SNX24: variants seen among roughly 807,000 people sequenced by gnomAD.
The protein encoded by SNX24 is sorting nexin-24.
SNX24 carries 22 observed loss-of-function variants against 28.7 expected under a neutral mutation model. That is an observed-to-expected ratio of 0.77 (90% CI 0.55 to 1.10). The LOEUF (loss-of-function observed/expected upper bound fraction) is 1.10, where lower values mean the gene tolerates loss of function less well. Ranked by LOEUF, SNX24 falls within the 50% of genes least tolerant of loss-of-function variation. SNX24 has a pLI of 0.00. For synonymous variants in SNX24, 69 were observed against 71.5 expected (o/e 0.96, Z 0.18); for missense variants, 221 against 201.1 (o/e 1.10, Z -0.60).
intron 2 of SNX24, among the ~76,000 whole-genome samples, chr5:122,939,643 T>C (rs1173208932): frequency 2.0e-5 from 3 of 152,234 alleles, no homozygotes; most frequent in Non-Finnish European, 4.4e-5. Flanking sequence ...TTGATTCCAT[T>C]TTCTTTTAGT....
chr5:122,863,230 C>CA (rs1755560882), intron 1 of SNX24, among the ~76,000 whole-genome samples: 1 of 151,938 alleles, frequency 6.6e-6, no homozygotes, highest in African/African-American at 2.4e-5. Context: ...CCTGGGAAGG[C>CA]AACATTGGAA....
chr5:123,001,668 C>T (rs769216515), intron 5 of SNX24, among the ~76,000 whole-genome samples: 2 of 152,126 alleles, frequency 1.3e-5, no homozygotes, highest in African/African-American at 2.4e-5. Flanking sequence ...TATCAACAAT[C>T]GTATTACAAG....
exon 6 of SNX24, chr5:123,029,294 T>C (rs758652814): frequency 1.2e-6 from 2 of 1,614,098 alleles, no homozygotes; most frequent in Admixed American, 3.3e-5. Context: ...GGAAATAAAA[T>C]TGAGACATAC....
At chr5:122,916,721 C>A (rs1758184663) in intron 1 of SNX24, among the ~76,000 whole-genome samples, 1 of 152,116 alleles carries the variant, frequency 6.6e-6, no homozygotes, top group Non-Finnish European at 1.5e-5. Context: ...GTCTGTTTTC[C>A]CAAAATACAA....
At chr5:122,954,447 A>G (rs1036863282) in intron 3 of SNX24, among the ~76,000 whole-genome samples, 2 of 151,752 alleles carry the variant, frequency 1.3e-5, no homozygotes, top group Admixed American at 1.3e-4. Context: ...TAGTTCAGCC[A>G]TCGGTGCTAT....
At chr5:123,001,886 T>A in intron 5 of SNX24, 54 bp from the exon 6 acceptor site, 1 of 1,481,610 alleles carries the variant, frequency 6.7e-7, no homozygotes, top group Admixed American at 1.7e-5. Context: ...TTTGTAGTGT[T>A]TTCTGTTTAC....
chr5:122,914,781 C>T (rs562512743), intron 1 of SNX24, among the ~76,000 whole-genome samples: 2 of 152,076 alleles, frequency 1.3e-5, no homozygotes, highest in East Asian at 1.9e-4. Flanking sequence ...TTTGATTCTT[C>T]TCTCTATTTT....
At chr5:122,868,979 TATAAA>T (rs1390572574) in intron 1 of SNX24, among the ~76,000 whole-genome samples, 2 of 152,226 alleles carry the variant, frequency 1.3e-5, no homozygotes, top group Admixed American at 1.3e-4. Flanking sequence ...TTCAGATAAA[TATAAA>T]ATGAGAAACG....
At chr5:122,967,839 C>T (rs992164294) in intron 3 of SNX24, among the ~76,000 whole-genome samples, 5 of 152,168 alleles carry the variant, frequency 3.3e-5, no homozygotes, top group Admixed American at 1.3e-4. Context: ...GAAGATTAAA[C>T]CACGAGCTCA....
At chr5:122,977,476 A>G (rs1056267716) in intron 3 of SNX24, among the ~76,000 whole-genome samples, 1 of 152,214 alleles carries the variant, frequency 6.6e-6, no homozygotes, top group Admixed American at 6.5e-5. Context: ...CTTTGGCAGC[A>G]TTGATTAACT....
chr5:123,013,767 C>G (rs1762634187), downstream of SNX24, among the ~76,000 whole-genome samples: 1 of 152,198 alleles, frequency 6.6e-6, no homozygotes, highest in Non-Finnish European at 1.5e-5. Flanking sequence ...CTACAATATT[C>G]TATGTCATTT....
intron 1 of SNX24, among the ~76,000 whole-genome samples, chr5:122,921,991 C>T (rs1758452600): frequency 6.6e-6 from 1 of 152,112 alleles, no homozygotes; most frequent in African/African-American, 2.4e-5. Context: ...TTCTCTCTCT[C>T]TCTTTAGCGG....
intron 5 of SNX24, among the ~76,000 whole-genome samples, chr5:123,017,403 A>G (rs866456773): frequency 4.0e-5 from 6 of 149,306 alleles, no homozygotes; most frequent in South Asian, 2.1e-4. Flanking sequence ...TGCCCTTCAA[A>G]CCTCAATTCA....
At chr5:122,847,241 C>T (rs747851944) in intron 1 of SNX24, among the ~76,000 whole-genome samples, 47 of 152,250 alleles carry the variant, frequency 3.1e-4, no homozygotes, top group Non-Finnish European at 6.3e-4. Flanking sequence ...GGCTCATTGC[C>T]CATTGTTGAT....
chr5:123,013,345 T>G (rs746461801), downstream of SNX24, among the ~76,000 whole-genome samples: 15 of 152,226 alleles, frequency 9.9e-5, no homozygotes, highest in Non-Finnish European at 2.1e-4. Context: ...GTTCAGTGAT[T>G]AAGGCTGTCT....
intron 1 of SNX24, among the ~76,000 whole-genome samples, chr5:122,910,696 T>C (rs1040160623): frequency 7.1e-6 from 1 of 141,424 alleles, no homozygotes; most frequent in Admixed American, 7.6e-5. Flanking sequence ...TCAATTCCCA[T>C]CTATGAGTGA....
intron 1 of SNX24, among the ~76,000 whole-genome samples, chr5:122,881,228 T>A (rs540438751): frequency 0.023 from 1,345 of 59,436 alleles, 9 homozygotes; most frequent in African/African-American, 0.03. Flanking sequence ...TGATTTTTTT[T>A]AAAAAACATT....
chr5:122,936,825 G>C lies in SNX24; in HGVS notation c.144+8G>C. 6.3e-7 allele frequency: 1 copy of C among 1,586,632 alleles called. No individual in the cohort carries two copies. The highest frequency in any genetic ancestry group is 2.2e-5 in the East Asian group (1 of 44,576). ...CATGCTTTGCACAAAAAGGTAACTT[G>C]TTTTCTGTTTTTTTGTCTTTTCTCT... On this transcript the variant is annotated splice_region_variant and intron_variant, in intron 2 of 6. Transcript: ENST00000261369.
chr5:122,960,583 A>G (rs573458487), intron 3 of SNX24, among the ~76,000 whole-genome samples: 17 of 152,270 alleles, frequency 1.1e-4, no homozygotes, highest in African/African-American at 4.1e-4. Flanking sequence ...GCTAGCAGTT[A>G]ATATTCTTTT....
Sources: gnomAD v4.1 joint callset for allele counts (sites outside exome capture counted in the v4.1 genomes callset) on GRCh38, gnomAD v4.1.1 for gene constraint, MANE v1.5 for transcripts, NCBI Gene and HGNC (gene_info 2026-07-23, HGNC 2026-07-21) for gene names.